The following CYP7B1 variants were observed in gnomAD, a reference collection of about 807,000 sequenced individuals.
CYP7B1 encodes cytochrome P450 family 7 subfamily B member 1, also known as cytochrome P450 7B1.
Under a neutral mutation model 42.7 loss-of-function variants are expected in CYP7B1, and 29 were observed. The observed-to-expected ratio is 0.68, with a 90% CI of 0.51 to 0.93. The LOEUF (loss-of-function observed/expected upper bound fraction) is 0.93, where lower values mean the gene tolerates loss of function less well. Ranked by LOEUF, CYP7B1 falls within the 40% of genes least tolerant of loss-of-function variation. CYP7B1 has a pLI of 0.00. For missense variants in CYP7B1, 655 were observed against 600.5 expected (o/e 1.09, Z -0.95); for synonymous variants, 235 against 218.2 (o/e 1.08, Z -0.68).
chr8:64,733,977 A>G (rs1426333177), intron 1 of CYP7B1, among the ~76,000 whole-genome samples: 1 of 152,038 alleles, frequency 6.6e-6, no homozygotes, highest in Non-Finnish European at 1.5e-5. Context: ...CTCAAAAAAT[A>G]TATTAAAATT....
At chr8:64,747,654 C>A (rs1407345933) in intron 1 of CYP7B1, among the ~76,000 whole-genome samples, 3 of 151,512 alleles carry the variant, frequency 2.0e-5, no homozygotes, top group Non-Finnish European at 2.9e-5. Flanking sequence ...CAGTTCAAAT[C>A]CATGTTGTTC....
intron 1 of CYP7B1, among the ~76,000 whole-genome samples, chr8:64,678,476 C>T (rs1235034326): frequency 6.6e-6 from 1 of 152,082 alleles, no homozygotes; most frequent in East Asian, 1.9e-4. Flanking sequence ...CCTACTGTGA[C>T]AACAAAATCA....
chr8:64,612,626 T>C (rs1805378766), intron 4 of CYP7B1, among the ~76,000 whole-genome samples: 1 of 152,136 alleles, frequency 6.6e-6, no homozygotes, highest in South Asian at 2.1e-4. Flanking sequence ...TGTGCTGACA[T>C]GCAAAATTTC....
Position 64,630,419 on chromosome 8 carries a change from C to T in CYP7B1, c.123-5880G>A, listed in dbSNP as rs1348435130. Among the ~76,000 whole-genome samples, 6 of 152,338 alleles carry T rather than the reference C, an allele frequency of 3.9e-5. No homozygotes were observed. The East Asian group carries it at 9.6e-4, about 24-fold the overall frequency. The stretch of plus-strand genomic sequence containing the variant: ...TGTAAAGGAGAATGTTTATACTAAC[C>T]TTGGTGGTTTATCATTCAGACTGAG... On this transcript the variant is annotated intron_variant, in intron 1 of 5. Coordinates refer to ENST00000310193, the MANE Select transcript of CYP7B1 (RefSeq NM_004820.5).
chr8:64,646,570 C>G (rs922578347), intron 1 of CYP7B1, among the ~76,000 whole-genome samples: 1 of 152,224 alleles, frequency 6.6e-6, no homozygotes, highest in African/African-American at 2.4e-5. Context: ...ACTGACTTCT[C>G]TCTAGCTATG....
intron 1 of CYP7B1, among the ~76,000 whole-genome samples, chr8:64,707,579 T>C (rs1384554832): frequency 6.6e-6 from 1 of 152,034 alleles, no homozygotes; most frequent in Non-Finnish European, 1.5e-5. Flanking sequence ...TCATTTGAAA[T>C]GAAAAGTTTC....
rs1805043522 is a variant in CYP7B1, at chr8:64,592,011, A to C, written c.*4631T>G. Among the ~76,000 whole-genome samples, 1 of 152,032 alleles carries C rather than the reference A, an allele frequency of 6.6e-6. No homozygotes were observed. Among genetic ancestry groups the C allele is most frequent in the Non-Finnish European group, 1.5e-5 (1 of 68,000 alleles). On this transcript the variant is annotated 3_prime_UTR_variant, in exon 6 of 6. Coordinates refer to ENST00000310193, the MANE Select transcript of CYP7B1 (RefSeq NM_004820.5). ...GAGACCAGCCTGATCAACATGGTGA[A>C]ACCTCGTCTCCACTAAAAATACAAA...
chr8:64,795,296 G>A (rs1290830077), intron 1 of CYP7B1, among the ~76,000 whole-genome samples: 1 of 152,206 alleles, frequency 6.6e-6, no homozygotes, highest in Non-Finnish European at 1.5e-5. Flanking sequence ...ACTCGGGTAG[G>A]AACTGACTAG....
In CYP7B1 at chr8:64,624,552, A is replaced by G. The variant is rs778633174; in HGVS notation, c.123-13T>C. Reference sequence around the variant, plus strand: ...CTCACCGGGTCTCCTACAAGGAAAAAAAAAAAGATAAAAGAACAAAAGAAA... The same window carrying G: ...CTCACCGGGTCTCCTACAAGGAAAAGAAAAAAGATAAAAGAACAAAAGAAA... On this transcript the variant is annotated splice_polypyrimidine_tract_variant and intron_variant, in intron 1 of 5. Transcript: ENST00000310193. 3 of 1,611,344 alleles carry G rather than the reference A, an allele frequency of 1.9e-6. No individual in the cohort carries two copies. The highest frequency in any genetic ancestry group is 2.5e-6 in the Non-Finnish European group (3 of 1,179,414).
At chr8:64,766,664 C>G (rs1414316875) in intron 1 of CYP7B1, among the ~76,000 whole-genome samples, 3 of 152,068 alleles carry the variant, frequency 2.0e-5, no homozygotes, top group Non-Finnish European at 4.4e-5. Context: ...AAAGATTGTC[C>G]GAATAGAAAT....
Position 64,612,220 on chromosome 8 carries a change from TCTTA to T in CYP7B1, c.1057+2802_1057+2805del, listed in dbSNP as rs549153668. Reference sequence around the variant, plus strand: ...TTTTTTTCTGAGATAACTGAAAAATTCTTACTTTTCTCTCAGAGTTTCTCAAACT... The same window carrying T: ...TTTTTTTCTGAGATAACTGAAAAATTCTTTTCTCTCAGAGTTTCTCAAACT... On this transcript the variant is annotated intron_variant, in intron 4 of 5. Transcript: ENST00000310193. Among the ~76,000 whole-genome samples, 85 of 152,212 alleles carry T rather than the reference TCTTA, an allele frequency of 5.6e-4. 1 individual carries two copies. The South Asian group carries it at 0.016, about 28-fold the overall frequency.
At chr8:64,619,138 C>T (rs1446104015) in intron 2 of CYP7B1, among the ~76,000 whole-genome samples, 1 of 152,138 alleles carries the variant, frequency 6.6e-6, no homozygotes, top group Non-Finnish European at 1.5e-5. Flanking sequence ...CATCTGTCCA[C>T]CATCTGCTAA....
At chr8:64,768,771 A>ATT (rs1269533843) in intron 1 of CYP7B1, among the ~76,000 whole-genome samples, 1 of 152,172 alleles carries the variant, frequency 6.6e-6, no homozygotes, top group Non-Finnish European at 1.5e-5. Context: ...GGTTTTCCCA[A>ATT]TTTTAGGCAA....
At chr8:64,751,812 T>A (rs1358241687) in intron 1 of CYP7B1, among the ~76,000 whole-genome samples, 1 of 152,192 alleles carries the variant, frequency 6.6e-6, no homozygotes, top group Non-Finnish European at 1.5e-5. Context: ...AGATCAGATT[T>A]TGCTTTGAAT....
chr8:64,684,295 A>G (rs2129632014), intron 1 of CYP7B1, among the ~76,000 whole-genome samples: 1 of 152,312 alleles, frequency 6.6e-6, no homozygotes, highest in Admixed American at 6.5e-5. Context: ...ATACTGCCTC[A>G]CTAGCTGTGT....
At chr8:64,690,394 C>G (rs1199500850) in intron 1 of CYP7B1, among the ~76,000 whole-genome samples, 1 of 152,144 alleles carries the variant, frequency 6.6e-6, no homozygotes, top group Non-Finnish European at 1.5e-5. Flanking sequence ...TACAGTGAGA[C>G]CCTGTCTCCA....
intron 1 of CYP7B1, among the ~76,000 whole-genome samples, chr8:64,679,620 C>A (rs1806506256): frequency 6.6e-6 from 1 of 152,078 alleles, no homozygotes; most frequent in Admixed American, 6.6e-5. Context: ...ACAGAAAAAC[C>A]TTTCCCCTTG....
chr8:64,681,577 A>C (rs1009424081), intron 1 of CYP7B1, among the ~76,000 whole-genome samples: 2 of 152,144 alleles, frequency 1.3e-5, no homozygotes, highest in African/African-American at 4.8e-5. Flanking sequence ...CTCTCAGATC[A>C]CTTGCTCTGA....
At position 64,778,416 on chromosome 8, in the gene CYP7B1, G is replaced by T. The variant is rs1000320765; in HGVS notation, c.122+20050C>A. Among the ~76,000 whole-genome samples the T allele has an allele frequency of 1.3e-4, 20 of 151,992 alleles. 1 individual carries two copies. The highest frequency in any genetic ancestry group is 4.8e-4 in the African/African-American group (20 of 41,500). On this transcript the variant is annotated intron_variant, in intron 1 of 5. Coordinates refer to ENST00000310193, the MANE Select transcript of CYP7B1 (RefSeq NM_004820.5). ...AAATCCAAAACAAGATTAAAAGTTT[G>T]CTATAGACCTGAAAGCAACAAGAGA...
Sources: allele counts gnomAD v4.1 joint callset (sites outside exome capture counted in the v4.1 genomes callset), GRCh38; gene constraint gnomAD v4.1.1; transcripts MANE v1.5; gene names NCBI Gene and HGNC (gene_info 2026-07-23, HGNC 2026-07-21).